Variants in STAT5B observed in about 807,000 individuals in gnomAD.
STAT5B encodes signal transducer and activator of transcription 5B.
In STAT5B, 21 loss-of-function variants were observed where a neutral mutation model predicts 107.8. The observed-to-expected ratio is 0.19, with a 90% CI of 0.14 to 0.28. The LOEUF (loss-of-function observed/expected upper bound fraction) is 0.28. Ranked by LOEUF, STAT5B falls within the 10% of genes least tolerant of loss-of-function variation. STAT5B has a pLI of 1.00. For synonymous variants in STAT5B, 325 were observed against 401.7 expected, an observed-to-expected ratio of 0.81 and a Z score of 2.28; for missense variants, 565 against 1,008.2, an observed-to-expected ratio of 0.56 and a Z score of 5.95.
rs1167684337 is a variant in STAT5B at position 42,253,766 on chromosome 17, C to T, written c.-10-21629G>A. Among the ~76,000 whole-genome samples, 3 of 152,114 alleles carry T rather than the reference C, an allele frequency of 2.0e-5. No homozygotes were observed. The East Asian group carries it at 5.8e-4, about 29-fold the overall frequency. On this transcript the variant is annotated intron_variant, in intron 1 of 18. Transcript: ENST00000293328. ...ACACAACTCATTGCAGCCTGTGACT[C>T]CTGGCCTCAAGTCATCTTGCCACCT...
upstream of STAT5B, among the ~76,000 whole-genome samples, chr17:42,277,758 C>CTTTT: frequency 7.1e-6 from 1 of 139,868 alleles, no homozygotes; most frequent in Non-Finnish European, 1.5e-5. Flanking sequence ...TTTTTCTTTT[C>CTTTT]TTTTTTTTTT....
chr17:42,218,027 TTGCTGA>T, intron 9 of STAT5B, 118 bp downstream of exon 9: 1 of 1,503,534 alleles, frequency 6.7e-7, no homozygotes, highest in Admixed American at 2.0e-5. Flanking sequence ...TTATATTCCT[TTGCTGA>T]TGCCCAGAAG....
intron 11 of STAT5B, among the ~76,000 whole-genome samples, chr17:42,216,734 A>G (rs1384317535): frequency 3.4e-5 from 5 of 147,926 alleles, no homozygotes; most frequent in Non-Finnish European, 7.4e-5. Flanking sequence ...TCTTTCACCC[A>G]GGCTGGAGTG....
rs1195226933 is a variant in STAT5B at position 42,218,803 on chromosome 17, C to A, written c.909G>T (p.Leu303=). ...IRRAEHLCQQ[L]PIPGPVEEML... is the part of the protein sequence containing the mutation. ...TCTCCTCCACTGGGCCGGGGATGGG[C>A]AGCTGCTGGCAGAGGTGCTCAGCCC... Residue 303 remains leucine (L), a synonymous_variant, in exon 8 of 19, where the codon CTG becomes CTT. Transcript: ENST00000293328. 1.9e-6 allele frequency: 3 copies of A among 1,613,058 alleles called. No homozygotes were observed. Among genetic ancestry groups the A allele is most frequent in the Non-Finnish European group, 1.7e-6 (2 of 1,179,580 alleles).
chr17:42,232,166 C>A (rs746063474), intron 1 of STAT5B, 29 bp from the exon 2 acceptor site: 2 of 1,604,990 alleles, frequency 1.2e-6, no homozygotes, highest in Non-Finnish European at 1.7e-6. Flanking sequence ...GTGCTTTGGG[C>A]GTTTTTTCTT....
At chr17:42,272,326 T>G (rs1311502018) in intron 1 of STAT5B, 1 of 152,174 alleles carries the variant, frequency 6.6e-6, no homozygotes, top group Non-Finnish European at 1.5e-5. Context: ...CTACTTAATA[T>G]AAACCATGGG....
At chr17:42,267,879 A>C (rs993578644) in intron 1 of STAT5B, among the ~76,000 whole-genome samples, 1 of 151,824 alleles carries the variant, frequency 6.6e-6, no homozygotes, top group East Asian at 1.9e-4. Flanking sequence ...GAATTGCTTG[A>C]ACCGGGAGGT....
intron 5 of STAT5B, among the ~76,000 whole-genome samples, chr17:42,220,890 A>G (rs1240420443): frequency 6.6e-6 from 1 of 152,108 alleles, no homozygotes; most frequent in East Asian, 1.9e-4. Context: ...CCACAGTTAC[A>G]ACCACCACCG....
At chr17:42,249,262 G>C (rs1416432034) in intron 1 of STAT5B, among the ~76,000 whole-genome samples, 3 of 152,024 alleles carry the variant, frequency 2.0e-5, no homozygotes, top group Non-Finnish European at 4.4e-5. Flanking sequence ...GTGTGGTGGC[G>C]CGTGACTGTA....
intron 1 of STAT5B, among the ~76,000 whole-genome samples, chr17:42,245,629 TCTC>T (rs534357770): frequency 5.7e-4 from 87 of 152,026 alleles, no homozygotes; most frequent in Admixed American, 2.4e-3. Context: ...TTCAAGCAAT[TCTC>T]CTGCCTCAGC....
intron 1 of STAT5B, among the ~76,000 whole-genome samples, chr17:42,258,298 T>C (rs2080564148): frequency 6.6e-6 from 1 of 152,228 alleles, no homozygotes; most frequent in Non-Finnish European, 1.5e-5. Context: ...TCAACTAATT[T>C]GGCTTAGATG....
At chr17:42,211,881 T>C in intron 13 of STAT5B, 103 bp downstream of exon 13, 1 of 1,518,738 alleles carries the variant, frequency 6.6e-7, no homozygotes. Context: ...TTCGGTACAT[T>C]TTATTAGAGA....
intron 9 of STAT5B, 58 bp downstream of exon 9, chr17:42,218,093 T>A: frequency 1.3e-6 from 2 of 1,580,826 alleles, no homozygotes; most frequent in African/African-American, 1.4e-5. Flanking sequence ...AATTCTTTTT[T>A]TCCTGTTGCC....
intron 8 of STAT5B, 94 bp from the exon 9 acceptor site, chr17:42,218,424 A>T (rs1052907209): frequency 1.2e-4 from 187 of 1,543,370 alleles, no homozygotes; most frequent in South Asian, 2.1e-4. Context: ...CTGCCTCCCG[A>T]GGGGCTCAGG....
At chr17:42,266,021 A>AT (rs754572934) in intron 1 of STAT5B, among the ~76,000 whole-genome samples, 7 of 152,006 alleles carry the variant, frequency 4.6e-5, no homozygotes, top group Non-Finnish European at 1.0e-4. Context: ...TATTTTTCTT[A>AT]TTTTGTCACT....
At chr17:42,229,310 T>G (rs1383489937) in intron 2 of STAT5B, among the ~76,000 whole-genome samples, 2 of 151,878 alleles carry the variant, frequency 1.3e-5, no homozygotes, top group African/African-American at 4.8e-5. Context: ...CCACCACGCC[T>G]GGCTAATTTT....
chr17:42,285,280 C>T, the STAT5B span, among the ~76,000 whole-genome samples: 1 of 152,036 alleles, frequency 6.6e-6, no homozygotes, highest in African/African-American at 2.4e-5. Context: ...TTAGTAGACA[C>T]GAGGTTTCAC....
In STAT5B at chr17:42,250,795, G is replaced by A. The variant is rs113704942; in HGVS notation, c.-10-18658C>T. Among the ~76,000 whole-genome samples, 257 of 151,900 alleles carry A rather than the reference G, an allele frequency of 1.7e-3. 1 individual carries two copies. Among genetic ancestry groups the A allele is most frequent in the African/African-American group, 6.1e-3 (253 of 41,410 alleles). On this transcript the variant is annotated intron_variant, in intron 1 of 18. Coordinates refer to ENST00000293328, the MANE Select transcript of STAT5B (RefSeq NM_012448.4). ...AAAAATTAGCCAGGCGTGGTGGCAG[G>A]CACCTGTAGTCCCAGCTACTCGGGA...
chr17:42,282,117 G>A, the STAT5B span, among the ~76,000 whole-genome samples: 1 of 152,196 alleles, frequency 6.6e-6, no homozygotes, highest in Non-Finnish European at 1.5e-5. Flanking sequence ...AGCTCCGGAA[G>A]TTCTGTGCTG....
Sources: allele counts gnomAD v4.1 joint callset (sites outside exome capture counted in the v4.1 genomes callset), GRCh38; gene constraint gnomAD v4.1.1; transcripts MANE v1.5; gene names NCBI Gene and HGNC (gene_info 2026-07-23, HGNC 2026-07-21).